Variants in ZNF488 observed in about 807,000 individuals in gnomAD.
The protein encoded by ZNF488 is zinc finger protein 488.
In ZNF488, 1 loss-of-function variant was observed where a neutral mutation model predicts 1.2. The observed-to-expected ratio is 0.86, with a 90% CI of 0.30 to 4.07. ZNF488 has a LOEUF of 4.07. Ranked by LOEUF, ZNF488 falls within the 30% of genes most tolerant of loss-of-function variation. The pLI is 0.18. For missense variants in ZNF488, 450 were observed against 437.9 expected (o/e 1.03, Z -0.25); for synonymous variants, 185 against 190.1 (o/e 0.97, Z 0.22).
At chr10:47,373,869 C>A (rs1245866677) in intron 1 of ZNF488, among the ~76,000 whole-genome samples, 1 of 152,224 alleles carries the variant, frequency 6.6e-6, no homozygotes, top group Non-Finnish European at 1.5e-5. Flanking sequence ...GCCCAGCAGG[C>A]CTTGCCCAGT....
intron 1 of ZNF488, among the ~76,000 whole-genome samples, chr10:47,381,934 C>T (rs992799098): frequency 3.9e-4 from 60 of 152,268 alleles, no homozygotes; most frequent in Admixed American, 2.2e-3. Context: ...GTGGCTGGTG[C>T]TGTGTGGAGT....
At position 47,368,087 on chromosome 10, in the gene ZNF488, A is replaced by ACCTGGG. The variant is rs782171072; in HGVS notation, c.737_742dup (p.Ala246_Gln247dup). The ACCTGGG allele has an allele frequency of 1.1e-5, 18 of 1,614,166 alleles. No individual in the cohort carries two copies. The East Asian group carries it at 2.2e-4, about 20-fold the overall frequency. On this transcript the variant is annotated inframe_insertion, in exon 2 of 2. Coordinates refer to ENST00000585316, the MANE Select transcript of ZNF488 (RefSeq NM_153034.4). Reference sequence around the variant, plus strand: ...GGTGGAGGATGATGAGGGTGGGGGCACCTGGGCCTGGGTATGCTCCAGCCA... The same window carrying ACCTGGG: ...GGTGGAGGATGATGAGGGTGGGGGCACCTGGGCCTGGGCCTGGGTATGCTCCAGCCA...
chr10:47,374,184 C>G (rs145283629), intron 1 of ZNF488, among the ~76,000 whole-genome samples: 2,033 of 152,252 alleles, frequency 0.013, 24 homozygotes, highest in Middle Eastern at 0.024. Context: ...CCTCTATGGT[C>G]CTAAATACTA....
At chr10:47,381,195 G>T (rs540937268) in intron 1 of ZNF488, among the ~76,000 whole-genome samples, 46 of 152,412 alleles carry the variant, frequency 3.0e-4, no homozygotes, top group African/African-American at 1.1e-3. Flanking sequence ...CTGAGCTGCA[G>T]GTCAGGCACC....
intron 1 of ZNF488, among the ~76,000 whole-genome samples, chr10:47,373,618 C>G (rs566511403): frequency 6.6e-6 from 1 of 152,170 alleles, no homozygotes; most frequent in African/African-American, 2.4e-5. Context: ...TCATTTATTT[C>G]TTTGTGATCA....
chr10:47,370,637 G>A (rs1268451770), intron 1 of ZNF488, among the ~76,000 whole-genome samples: 4 of 152,242 alleles, frequency 2.6e-5, no homozygotes, highest in African/African-American at 7.2e-5. Context: ...TTATAGTGGT[G>A]AAAGCAACAA....
At position 47,367,440 on chromosome 10, in the gene ZNF488, G is replaced by A; in HGVS notation, c.*367C>T. On this transcript the variant is annotated 3_prime_UTR_variant, in exon 2 of 2. Coordinates refer to ENST00000585316, the MANE Select transcript of ZNF488 (RefSeq NM_153034.4). ...TCTCCATTTCACAGATGAGAAAATG[G>A]GGACTCAGCAGGTTAAAGCTCTTTG... is the stretch of plus-strand genomic sequence containing the variant. 1 of 254,404 alleles carries A rather than the reference G, an allele frequency of 3.9e-6. No individual in the cohort carries two copies. Among genetic ancestry groups the A allele is most frequent in the Non-Finnish European group, 8.0e-6 (1 of 124,798 alleles). The allele number at this position is 254,404 out of a possible 1,614,324, so 15.8% of individuals were successfully genotyped here.
chr10:47,373,007 A>G (rs1837541386), intron 1 of ZNF488, among the ~76,000 whole-genome samples: 1 of 152,160 alleles, frequency 6.6e-6, no homozygotes, highest in African/African-American at 2.4e-5. Flanking sequence ...AGCCACACCT[A>G]TGGCAGACTG....
At chr10:47,382,578 G>A (rs1004530555) in intron 1 of ZNF488, among the ~76,000 whole-genome samples, 3 of 151,954 alleles carry the variant, frequency 2.0e-5, no homozygotes, top group African/African-American at 7.3e-5. Context: ...CCCAGAATCC[G>A]CATATGTTGG....
chr10:47,378,019 G>A (rs1297527392), intron 1 of ZNF488, among the ~76,000 whole-genome samples: 1 of 152,076 alleles, frequency 6.6e-6, no homozygotes, highest in African/African-American at 2.4e-5. Context: ...GGATGGGTCT[G>A]GCTGTGCCTG....
chr10:47,376,310 G>C (rs1461461508), intron 1 of ZNF488, among the ~76,000 whole-genome samples: 1 of 152,126 alleles, frequency 6.6e-6, no homozygotes, highest in Non-Finnish European at 1.5e-5. Context: ...AGATGGCACA[G>C]GCAAAGTCCT....
chr10:47,368,381 A>G lies in ZNF488; in HGVS notation c.449T>C (p.Val150Ala). 6.2e-7 allele frequency: 1 copy of G among 1,614,178 alleles called. No homozygotes were observed. Among genetic ancestry groups the G allele is most frequent in the Non-Finnish European group, 8.5e-7 (1 of 1,180,034 alleles). The change falls in exon 2 of 2, where the codon GTG (valine) becomes GCG (alanine). Residue 150 changes from valine to alanine, a missense_variant. Val to Ala is a moderately conservative substitution (Grantham distance 64). Transcript: ENST00000585316. ...CTCACTTCGTGCTCCGCTGGGCCAC[A>G]CAGAGAAGACTTTGCTGCCAGCTGG... The part of the protein sequence containing the change: ...RGPAGSKVFS[V>A]WPSGARSEQR...
chr10:47,378,187 G>A (rs180819156), intron 1 of ZNF488, among the ~76,000 whole-genome samples: 104 of 152,314 alleles, frequency 6.8e-4, no homozygotes, highest in Admixed American at 1.6e-3. Context: ...AGAGCTTCGC[G>A]AACTGCCTGC....
At chr10:47,371,852 T>C (rs1040755138) in intron 1 of ZNF488, among the ~76,000 whole-genome samples, 1 of 151,900 alleles carries the variant, frequency 6.6e-6, no homozygotes, top group Admixed American at 6.6e-5. Flanking sequence ...CTGGCTGGAG[T>C]TTCCTGGGAG....
Position 47,366,212 on chromosome 10 carries a change from TG to T in ZNF488, c.*1594del, listed in dbSNP as rs1276531914. Reference sequence around the variant, plus strand: ...TCATGAAGCAGCTGGCAGGTCCTGCTGGGGTTAGGCCTGTAAGTGTGAAGGG... The same window carrying T: ...TCATGAAGCAGCTGGCAGGTCCTGCTGGGTTAGGCCTGTAAGTGTGAAGGG... On this transcript the variant is annotated 3_prime_UTR_variant, in exon 2 of 2. Coordinates refer to ENST00000585316, the MANE Select transcript of ZNF488 (RefSeq NM_153034.4). 2.4e-5 allele frequency: 4 copies of T among 167,154 alleles called. No individual in the cohort carries two copies. The highest frequency in any genetic ancestry group is 5.9e-5 in the Non-Finnish European group (4 of 68,176). The allele number at this position is 167,154 out of a possible 1,614,324, so 10.4% of individuals were successfully genotyped here.
chr10:47,369,083 G>T, intron 1 of ZNF488, 146 bp from the exon 2 acceptor site: 1 of 509,060 alleles, frequency 2.0e-6, no homozygotes, highest in Non-Finnish European at 3.4e-6. Context: ...CACCTCTCAG[G>T]AGACAAGGAG....
intron 1 of ZNF488, among the ~76,000 whole-genome samples, chr10:47,377,803 G>A (rs1404738359): frequency 6.6e-6 from 1 of 151,934 alleles, no homozygotes; most frequent in Admixed American, 6.6e-5. Context: ...AGAGCACACA[G>A]GGCTTCTGCC....
At chr10:47,375,417 G>A (rs578152209) in intron 1 of ZNF488, among the ~76,000 whole-genome samples, 1 of 152,178 alleles carries the variant, frequency 6.6e-6, no homozygotes, top group African/African-American at 2.4e-5. Context: ...CAGAAATCAG[G>A]GAATCAGCCA....
chr10:47,371,867 G>A (rs1837481807), intron 1 of ZNF488, among the ~76,000 whole-genome samples: 1 of 152,090 alleles, frequency 6.6e-6, no homozygotes, highest in Non-Finnish European at 1.5e-5. Flanking sequence ...TGGGAGCGGA[G>A]GGGCCTTCCC....
Sources: gnomAD v4.1 joint callset for allele counts (sites outside exome capture counted in the v4.1 genomes callset) on GRCh38, gnomAD v4.1.1 for gene constraint, MANE v1.5 for transcripts, NCBI Gene and HGNC (gene_info 2026-07-23, HGNC 2026-07-21) for gene names.